ZNF649: variants seen among roughly 807,000 people sequenced by gnomAD.
ZNF649 encodes zinc finger protein 649.
In ZNF649, 7 loss-of-function variants were observed where a neutral mutation model predicts 14.1. The observed-to-expected ratio is 0.49, with a 90% confidence interval of 0.28 to 0.93. ZNF649 has a LOEUF of 0.93. Among genes scored for constraint, ZNF649 ranks in the 40% least tolerant of loss-of-function variants. The pLI, the probability that ZNF649 is intolerant of heterozygous loss-of-function variation, is 0.10. For synonymous variants in ZNF649, 227 were observed against 212.3 expected (o/e 1.07, Z -0.60); for missense variants, 544 against 608.1 (o/e 0.89, Z 1.11).
rs532064199 is a variant in ZNF649 at position 51,903,693 on chromosome 19, C to A, written c.-188+1221G>T. Among the ~76,000 whole-genome samples, 3 of 152,222 alleles carry A rather than the reference C, an allele frequency of 2.0e-5. No homozygotes were observed. In the South Asian group the frequency reaches 6.2e-4, roughly 32 times the overall value. ...AATTAGCCGGGCGTGGTGGCGGGCG[C>A]CTGTAATCCCAGCCACTCGGGAGGC... On this transcript the variant is annotated intron_variant, in intron 1 of 4. Transcript: ENST00000354957.
At chr19:51,897,099 A>C in intron 2 of ZNF649, 121 bp from the exon 3 acceptor site, 60 of 1,404,732 alleles carry the variant, frequency 4.3e-5, no homozygotes, top group East Asian at 9.3e-5. Context: ...TGGTATACTC[A>C]ATGGAATGGT....
intron 1 of ZNF649, among the ~76,000 whole-genome samples, chr19:51,900,920 A>C (rs886266696): frequency 3.9e-5 from 6 of 152,218 alleles, no homozygotes; most frequent in Non-Finnish European, 7.3e-5. Context: ...GTGAACTCAC[A>C]ACACTCAGTC....
In ZNF649 at chr19:51,890,993, T is replaced by C. The variant is rs1291432447; in HGVS notation, c.1143A>G (p.Gln381=). The C allele has an allele frequency of 6.2e-7, 1 of 1,614,028 alleles. No individual in the cohort carries two copies. The highest frequency in any genetic ancestry group is 1.3e-5 in the African/African-American group (1 of 74,916). Residue 381 remains glutamine, a synonymous_variant, in exon 5 of 5, where the codon CAA becomes CAG. Coordinates refer to ENST00000354957, the MANE Select transcript of ZNF649 (RefSeq NM_023074.4). ...KTPFVCPECG[Q]PCSQKSGLIR... ...TGAGTCCTGACTTCTGTGAACAGGG[T>C]TGCCCACATTCAGGACATACAAAGG...
rs193248239 is a variant in ZNF649 at position 51,902,145 on chromosome 19, G to T, written c.-187-1851C>A. ...CAGGCCCTCACCAGACACCAAACCT[G>T]CTGGTGCTTCGATCTTAGACTTCTC... On this transcript the variant is annotated intron_variant, in intron 1 of 4. Coordinates refer to ENST00000354957, the MANE Select transcript of ZNF649 (RefSeq NM_023074.4). 9.9e-5 allele frequency among the ~76,000 whole-genome samples: 15 copies of T among 152,192 alleles called. 1 individual carries two copies. The highest frequency in any genetic ancestry group is 6.8e-3 in the Middle Eastern group (2 of 294).
In ZNF649 at chr19:51,889,565, T is replaced by C. The variant is rs1027568713; in HGVS notation, c.*1053A>G. Reference sequence around the variant, plus strand: ...CTTCTGTGTTGTCTCATAAGACACATAATCTCATCATGAGGGTTCCACTTT... The same window carrying C: ...CTTCTGTGTTGTCTCATAAGACACACAATCTCATCATGAGGGTTCCACTTT... On this transcript the variant is annotated 3_prime_UTR_variant, in exon 5 of 5. Coordinates refer to ENST00000354957, the MANE Select transcript of ZNF649 (RefSeq NM_023074.4). 1 of 152,228 alleles carries C rather than the reference T, an allele frequency of 6.6e-6. No homozygotes were observed. The highest frequency in any genetic ancestry group is 1.5e-5 in the Non-Finnish European group (1 of 68,046). 9.4% of individuals were successfully genotyped at this position (152,228 alleles called of 1,614,324 possible).
Position 51,891,718 on chromosome 19 carries a change from G to A in ZNF649, c.418C>T (p.His140Tyr), listed in dbSNP as rs1419356547. ...GTAGGCATTTGTTCATGATTATCATGGAGAAAAGCTCCATCTCCATTAAAC... is the reference window on the plus strand; with the variant it reads ...GTAGGCATTTGTTCATGATTATCATAGAGAAAAGCTCCATCTCCATTAAAC... ...AEFNGDGAFLHDNHEQMPTEI... is the reference protein window; with the variant it reads ...AEFNGDGAFLYDNHEQMPTEI... Residue 140 changes from histidine (H) to tyrosine (Y), a missense_variant, in exon 5 of 5, where the codon CAT becomes TAT. Physicochemically the swap from His to Tyr is moderately conservative, Grantham distance 83. Transcript: ENST00000354957. The surrounding 1 kb of genome is among the most constrained non-coding windows in gnomAD (Gnocchi z 4.2). 1.2e-6 allele frequency: 2 copies of A among 1,613,526 alleles called. No homozygotes were observed. The highest frequency in any genetic ancestry group is 8.5e-7 in the Non-Finnish European group (1 of 1,179,896).
chr19:51,899,134 T>C (rs1485988107), intron 2 of ZNF649, among the ~76,000 whole-genome samples: 5 of 152,120 alleles, frequency 3.3e-5, no homozygotes, highest in Admixed American at 3.3e-4. Context: ...TACACTCCTA[T>C]CACTCAGGAA....
chr19:51,899,505 A>G (rs2085083202), intron 2 of ZNF649, among the ~76,000 whole-genome samples: 1 of 152,214 alleles, frequency 6.6e-6, no homozygotes, highest in African/African-American at 2.4e-5. Context: ...CACAGACTGC[A>G]ACAAGGTTGG....
Position 51,900,263 on chromosome 19 carries a change from T to C in ZNF649, c.-156A>G, listed in dbSNP as rs1549931. The C allele has an allele frequency of 0.53, 281,274 of 534,448 alleles. 80,047 individuals carry two copies. Among genetic ancestry groups the C allele is most frequent in the African/African-American group, 0.88 (45,498 of 51,524 alleles). 33.1% of individuals were successfully genotyped at this position (534,448 alleles called of 1,614,324 possible). The stretch of plus-strand genomic sequence containing the variant: ...ATCCAGGAACCTCCTCCTTCCTTCA[T>C]TTGAACTCTCTTGCTTCTGGGGAGC... On this transcript the variant is annotated 5_prime_UTR_variant, in exon 2 of 5. It removes an upstream start codon present in the reference 5' UTR. Transcript: ENST00000354957.
At position 51,889,853 on chromosome 19, in the gene ZNF649, C is replaced by G. The variant is rs2085006102; in HGVS notation, c.*765G>C. The stretch of plus-strand genomic sequence containing the variant: ...AACAAAGAAGACATAGAATAAACAA[C>G]AAATAGTAAGTTAGTAATTTAAACC... On this transcript the variant is annotated 3_prime_UTR_variant, in exon 5 of 5. Transcript: ENST00000354957. 2.6e-5 allele frequency: 4 copies of G among 152,218 alleles called. No homozygotes were observed. The South Asian group carries it at 8.3e-4, about 32-fold the overall frequency. The allele number at this position is 152,218 out of a possible 1,614,324, so 9.4% of individuals were successfully genotyped here.
At chr19:51,894,907 A>G (rs2085050169) in intron 4 of ZNF649, among the ~76,000 whole-genome samples, 1 of 152,162 alleles carries the variant, frequency 6.6e-6, no homozygotes, top group Non-Finnish European at 1.5e-5. Flanking sequence ...TCACAGAGCA[A>G]GAGGCCTTGG....
At chr19:51,896,400 G>C (rs1424669720) in intron 4 of ZNF649, 72 bp downstream of exon 4, 9 of 1,357,766 alleles carry the variant, frequency 6.6e-6, no homozygotes, top group Non-Finnish European at 1.1e-6. Flanking sequence ...TTTCACAACT[G>C]TCATGCCTTC....
rs146972281 is a variant in ZNF649, at chr19:51,892,193, G to A, written c.239-296C>T. On this transcript the variant is annotated intron_variant, in intron 4 of 4. Coordinates refer to ENST00000354957, the MANE Select transcript of ZNF649 (RefSeq NM_023074.4). ...GATCAAGACCATCCTGGCCAACATG[G>A]TGAAACCCCATCTCTACTAAAAATA... Among the ~76,000 whole-genome samples the A allele has an allele frequency of 2.6e-5, 4 of 151,620 alleles. No individual in the cohort carries two copies. In the East Asian group the frequency reaches 7.8e-4, roughly 30 times the overall value.
intron 1 of ZNF649, among the ~76,000 whole-genome samples, chr19:51,901,341 G>A (rs1484542255): frequency 3.3e-5 from 5 of 152,154 alleles, no homozygotes; most frequent in Non-Finnish European, 7.3e-5. Flanking sequence ...GCTCCCAAAT[G>A]CCAGCTGCTA....
chr19:51,894,006 C>G (rs963575452), intron 4 of ZNF649, among the ~76,000 whole-genome samples: 2 of 152,188 alleles, frequency 1.3e-5, no homozygotes, highest in African/African-American at 4.8e-5. Flanking sequence ...AGAAAATTCA[C>G]AGCAGGAGCT....
At position 51,890,843 on chromosome 19, in the gene ZNF649, G is replaced by A. The variant is rs2085016774; in HGVS notation, c.1293C>T (p.Gly431=). 6.2e-7 allele frequency: 1 copy of A among 1,614,112 alleles called. No homozygotes were observed. Among genetic ancestry groups the A allele is most frequent in the African/African-American group, 1.3e-5 (1 of 74,938 alleles). The part of the protein sequence containing the change: ...HRTHTGERPY[G]CDECEKAYFY... ...AGTAAGCTTTCTCACACTCATCACA[G>A]CCATAGGGTCTCTCTCCCGTGTGAG... is the stretch of plus-strand genomic sequence containing the variant. The change falls in exon 5 of 5, where the codon GGC becomes GGT. Residue 431 remains glycine, a synonymous_variant. Coordinates refer to ENST00000354957, the MANE Select transcript of ZNF649 (RefSeq NM_023074.4).
At position 51,889,535 on chromosome 19, in the gene ZNF649, ACT is replaced by A. The variant is rs1434989664; in HGVS notation, c.*1081_*1082del. The A allele has an allele frequency of 2.0e-5, 3 of 152,098 alleles. No individual in the cohort carries two copies. Among genetic ancestry groups the A allele is most frequent in the Admixed American group, 6.5e-5 (1 of 15,284 alleles). 9.4% of individuals were successfully genotyped at this position (152,098 alleles called of 1,614,324 possible). ...CAAAGAGCAGAGAAAGAGAAAACAA[ACT>A]CTCTTCTGTGTTGTCTCATAAGACA... On this transcript the variant is annotated 3_prime_UTR_variant, in exon 5 of 5. Coordinates refer to ENST00000354957, the MANE Select transcript of ZNF649 (RefSeq NM_023074.4).
intron 4 of ZNF649, among the ~76,000 whole-genome samples, chr19:51,893,801 C>T (rs1056003977): frequency 1.3e-5 from 2 of 152,202 alleles, no homozygotes; most frequent in African/African-American, 4.8e-5. Flanking sequence ...CTGTTGGCAT[C>T]GGTGAATGGA....
intron 1 of ZNF649, among the ~76,000 whole-genome samples, chr19:51,901,288 C>A (rs2085093166): frequency 6.6e-6 from 1 of 152,004 alleles, no homozygotes; most frequent in Non-Finnish European, 1.5e-5. Context: ...GCACAGTGAG[C>A]CACTCTTATT....
Sources: gnomAD v4.1 joint callset for allele counts (sites outside exome capture counted in the v4.1 genomes callset) on GRCh38, gnomAD v4.1.1 for gene constraint, Gnocchi (gnomAD v3.1) non-coding constraint, MANE v1.5 for transcripts, NCBI Gene and HGNC (gene_info 2026-07-23, HGNC 2026-07-21) for gene names.